Variants in PIKFYVE observed in about 807,000 individuals in gnomAD.
PIKFYVE encodes the protein phosphoinositide kinase, FYVE-type zinc finger containing, also known as 1-phosphatidylinositol 3-phosphate 5-kinase.
In PIKFYVE, 122 loss-of-function variants were observed where a neutral mutation model predicts 257.9. The observed-to-expected ratio is 0.47, with a 90% CI of 0.41 to 0.55. The LOEUF is 0.55. Among genes scored for constraint, PIKFYVE ranks in the 20% least tolerant of loss-of-function variants. The probability of loss-of-function intolerance (pLI) is 0.00; values close to 1 mark genes in which losing one functional copy is unlikely to be tolerated. For synonymous variants in PIKFYVE, 892 were observed against 868.9 expected, an observed-to-expected ratio of 1.03 and a Z score of -0.47; for missense variants, 2,160 against 2,536.6, an observed-to-expected ratio of 0.85 and a Z score of 3.19.
intron 23 of PIKFYVE, 69 bp downstream of exon 23, chr2:208,330,763 T>TGAG (rs1559141072): frequency 4.5e-6 from 6 of 1,335,266 alleles, no homozygotes; most frequent in Non-Finnish European, 6.0e-6. Context: ...TTTTTTTTCC[T>TGAG]GAGGAGGTTT....
At position 208,274,139 on chromosome 2, in the gene PIKFYVE, C is replaced by CT. The variant is rs1574400965; in HGVS notation, c.322+407dup. ...TATGCATGCCTCTGGCTGCAGAACTCTGTCAACTCCATTATTGGGCTGCCA... is the reference window on the plus strand; with the variant it reads ...TATGCATGCCTCTGGCTGCAGAACTCTTGTCAACTCCATTATTGGGCTGCCA... On this transcript the variant is annotated intron_variant, in intron 3 of 41. Transcript: ENST00000264380. 42 of 1,403,932 alleles carry CT rather than the reference C, an allele frequency of 3.0e-5. No individual in the cohort carries two copies. In the Middle Eastern group the frequency reaches 1.2e-3, roughly 41 times the overall value. 87.0% of individuals were successfully genotyped at this position (1,403,932 alleles called of 1,614,324 possible). A position where few individuals can be genotyped will look rare whatever the true frequency, so the allele number is the denominator to read the frequency against.
chr2:208,350,157 C>T (rs1357677632), intron 36 of PIKFYVE, 74 bp downstream of exon 36: 1 of 1,584,910 alleles, frequency 6.3e-7, no homozygotes, highest in Non-Finnish European at 8.6e-7. Context: ...TTTGAGAATT[C>T]TAGCTTCATA....
chr2:208,283,565 T>C (rs920084880), intron 5 of PIKFYVE, among the ~76,000 whole-genome samples: 3 of 151,916 alleles, frequency 2.0e-5, no homozygotes, highest in African/African-American at 4.8e-5. Flanking sequence ...CTGCAGGGAG[T>C]AATTTCACTT....
intron 21 of PIKFYVE, 71 bp from the exon 22 acceptor site, chr2:208,329,771 A>G (rs936548239): frequency 7.6e-6 from 12 of 1,584,228 alleles, no homozygotes; most frequent in African/African-American, 1.3e-5. Context: ...GGTAATCATA[A>G]TTTGTGGTCT....
At chr2:208,266,736 T>TA in intron 1 of PIKFYVE, among the ~76,000 whole-genome samples, 1 of 152,174 alleles carries the variant, frequency 6.6e-6, no homozygotes, top group Middle Eastern at 3.4e-3. Flanking sequence ...AGGGGAAGAG[T>TA]ACAGTTACTT....
Position 208,271,653 on chromosome 2 carries a change from C to G in PIKFYVE, c.134C>G (p.Ala45Gly). 1 of 1,613,896 alleles carries G rather than the reference C, an allele frequency of 6.2e-7. No homozygotes were observed. Residue 45 changes from alanine (A) to glycine (G), a missense_variant, in exon 2 of 42, where the codon GCT becomes GGT. By Grantham distance (60) the Ala-to-Gly change is moderately conservative. Coordinates refer to ENST00000264380, the MANE Select transcript of PIKFYVE (RefSeq NM_015040.4). ...PDQDEPPFKS[A>G]YSSFVNLFRF... ...CAAGATGAGCCCCCTTTTAAATCAGCTTATAGTTCTTTTGTAAATCTCTTT... is the reference window on the plus strand; with the variant it reads ...CAAGATGAGCCCCCTTTTAAATCAGGTTATAGTTCTTTTGTAAATCTCTTT...
At chr2:208,347,709 A>T (rs1242674315) in intron 34 of PIKFYVE, 150 bp from the exon 35 acceptor site, 1 of 712,466 alleles carries the variant, frequency 1.4e-6, no homozygotes, top group East Asian at 2.7e-5. Context: ...TAACAACATG[A>T]AGGACAATGT....
intron 31 of PIKFYVE, among the ~76,000 whole-genome samples, chr2:208,340,339 AGT>A (rs1367226918): frequency 6.6e-6 from 1 of 152,264 alleles, no homozygotes; most frequent in African/African-American, 2.4e-5. Context: ...AGCACTAGCC[AGT>A]GTTACTTATA....
chr2:208,336,693 CTTATTTAT>C, intron 27 of PIKFYVE, 137 bp from the exon 28 acceptor site: 2 of 544,084 alleles, frequency 3.7e-6, no homozygotes, highest in Non-Finnish European at 6.6e-6. Flanking sequence ...AAAACTTACT[CTTATTTAT>C]ATATAACTTT....
chr2:208,349,843 T>C (rs925781900), intron 35 of PIKFYVE, among the ~76,000 whole-genome samples, 181 bp from the exon 36 acceptor site: 1 of 152,164 alleles, frequency 6.6e-6, no homozygotes, highest in Non-Finnish European at 1.5e-5. Flanking sequence ...ACATACATTT[T>C]TATTGTGATC....
At chr2:208,275,422 C>T (rs374097964) in intron 3 of PIKFYVE, among the ~76,000 whole-genome samples, 6 of 152,210 alleles carry the variant, frequency 3.9e-5, no homozygotes, top group African/African-American at 1.4e-4. Flanking sequence ...GAAGCACAGC[C>T]ATTATGTTTC....
At chr2:208,347,272 T>A (rs559729939) in intron 34 of PIKFYVE, among the ~76,000 whole-genome samples, 45 of 152,348 alleles carry the variant, frequency 3.0e-4, no homozygotes, top group African/African-American at 1.0e-3. Context: ...GTATGATGAA[T>A]GAAGCTCAAA....
At chr2:208,327,442 G>A (rs753767859) in intron 20 of PIKFYVE, among the ~76,000 whole-genome samples, 1 of 152,106 alleles carries the variant, frequency 6.6e-6, no homozygotes, top group Admixed American at 6.5e-5. Flanking sequence ...ACAGTTTAAG[G>A]ATGAGCAGGA....
intron 6 of PIKFYVE, among the ~76,000 whole-genome samples, chr2:208,287,310 G>A (rs1180418356): frequency 7.7e-6 from 1 of 129,528 alleles, no homozygotes; most frequent in Non-Finnish European, 1.6e-5. Flanking sequence ...TTTTGCTCTT[G>A]TTGCCCAGGT....
At chr2:208,288,849 C>G (rs1416215321) in intron 7 of PIKFYVE, 31 bp downstream of exon 7, 1 of 1,610,298 alleles carries the variant, frequency 6.2e-7, no homozygotes, top group African/African-American at 1.3e-5. Context: ...ACTGTGCTCT[C>G]TGATGTTTAT....
intron 29 of PIKFYVE, 59 bp downstream of exon 29, chr2:208,338,627 T>G: frequency 6.5e-7 from 1 of 1,535,868 alleles, no homozygotes; most frequent in South Asian, 1.1e-5. Flanking sequence ...TCTTATTGTA[T>G]AAGTTGTTTT....
At chr2:208,349,928 C>T (rs1699613582) in intron 35 of PIKFYVE, 96 bp from the exon 36 acceptor site, 1 of 1,544,118 alleles carries the variant, frequency 6.5e-7, no homozygotes. Context: ...TTTTAATTTG[C>T]TAAGTTTTTT....
chr2:208,352,624 A>G (rs768237343), intron 38 of PIKFYVE, 30 bp from the exon 39 acceptor site: 8 of 1,609,214 alleles, frequency 5.0e-6, no homozygotes, highest in Non-Finnish European at 6.8e-6. Flanking sequence ...CCTTTTTGAT[A>G]AGAATTTATT....
chr2:208,343,458 A>C (rs1698913857), intron 32 of PIKFYVE, among the ~76,000 whole-genome samples: 1 of 152,216 alleles, frequency 6.6e-6, no homozygotes, highest in African/African-American at 2.4e-5. Flanking sequence ...ATAGTACTGA[A>C]CCCTATAAAT....
Sources: allele counts gnomAD v4.1 joint callset (sites outside exome capture counted in the v4.1 genomes callset), GRCh38; gene constraint gnomAD v4.1.1; transcripts MANE v1.5; gene names NCBI Gene and HGNC (gene_info 2026-07-23, HGNC 2026-07-21).